FBLN1: variants seen among roughly 807,000 people sequenced by gnomAD.
FBLN1 encodes fibulin 1, also known as fibulin-1.
Under a neutral mutation model 89.7 loss-of-function variants are expected in FBLN1, and 34 were observed. The ratio of observed to expected loss-of-function variants is 0.38; its 90% confidence interval spans 0.29 to 0.50. The LOEUF (loss-of-function observed/expected upper bound fraction) is 0.50. Among genes scored for constraint, FBLN1 ranks in the 20% least tolerant of loss-of-function variants. The pLI, the probability that FBLN1 is intolerant of heterozygous loss-of-function variation, is 0.92. For missense variants in FBLN1, 777 were observed against 988.1 expected, an observed-to-expected ratio of 0.79 and a Z score of 2.86; for synonymous variants, 393 against 391.3, an observed-to-expected ratio of 1.00 and a Z score of -0.05.
chr22:45,564,890 A>G, intron 14 of FBLN1: 1 of 1,613,964 alleles, frequency 6.2e-7, no homozygotes, highest in Non-Finnish European at 8.5e-7. Flanking sequence ...CCAGGCAGAA[A>G]TCCAAGAAGG....
At chr22:45,599,181 C>T (rs753198734) in intron 16 of FBLN1, among the ~76,000 whole-genome samples, 3 of 152,220 alleles carry the variant, frequency 2.0e-5, no homozygotes, top group East Asian at 1.9e-4. Context: ...CCTCTGGCCA[C>T]GGTCTTTGCC....
chr22:45,571,749 A>G (rs2088954946), intron 14 of FBLN1, among the ~76,000 whole-genome samples: 1 of 152,194 alleles, frequency 6.6e-6, no homozygotes, highest in African/African-American at 2.4e-5. Context: ...TTAAATGTTC[A>G]CTGAAGAGGC....
intron 2 of FBLN1, among the ~76,000 whole-genome samples, chr22:45,520,222 G>C (rs568398434): frequency 6.6e-6 from 1 of 152,306 alleles, no homozygotes; most frequent in African/African-American, 2.4e-5. Context: ...GCACCACAAA[G>C]CCAGACTGTG....
At chr22:45,515,735 T>G (rs1489811132) in intron 1 of FBLN1, among the ~76,000 whole-genome samples, 1 of 152,226 alleles carries the variant, frequency 6.6e-6, no homozygotes, top group African/African-American at 2.4e-5. Flanking sequence ...ACTTTCTGTG[T>G]GCTTGGAACT....
At chr22:45,599,519 ATTTCT>A (rs1470068950) in intron 16 of FBLN1, among the ~76,000 whole-genome samples, 1 of 151,966 alleles carries the variant, frequency 6.6e-6, no homozygotes, top group African/African-American at 2.4e-5. Context: ...CGCCTGCTTC[ATTTCT>A]TCTCAGGGGT....
intron 1 of FBLN1, among the ~76,000 whole-genome samples, chr22:45,511,603 T>C (rs556494769): frequency 3.3e-5 from 5 of 152,208 alleles, no homozygotes; most frequent in Non-Finnish European, 5.9e-5. Flanking sequence ...CCCGCCACCA[T>C]GCCCAGCTAA....
At position 45,549,865 on chromosome 22, in the gene FBLN1, G is replaced by C. The variant is rs764077940; in HGVS notation, c.1574-627G>C. The stretch of plus-strand genomic sequence containing the variant: ...AGGAGTCCCAGACCTGGTGGTTCCA[G>C]TCCACCCTGAACAGCCACCAACCCC... On this transcript the variant is annotated intron_variant, in intron 13 of 16. Coordinates refer to ENST00000327858, the MANE Select transcript of FBLN1 (RefSeq NM_006486.3). This position sits in a 1 kb window ranked among gnomAD's most constrained non-coding sequence, Gnocchi z 5.7. Among the ~76,000 whole-genome samples the C allele has an allele frequency of 3.3e-5, 5 of 152,166 alleles. No homozygotes were observed. The highest frequency in any genetic ancestry group is 5.9e-5 in the Non-Finnish European group (4 of 68,026).
At position 45,579,291 on chromosome 22, in the gene FBLN1, G is replaced by A. The variant is rs550514130; in HGVS notation, c.1972+2183G>A. 1.3e-5 allele frequency among the ~76,000 whole-genome samples: 2 copies of A among 152,396 alleles called. No individual in the cohort carries two copies. Among genetic ancestry groups the A allele is most frequent in the Non-Finnish European group, 2.9e-5 (2 of 68,038 alleles). On this transcript the variant is annotated intron_variant, in intron 16 of 16. Coordinates refer to ENST00000327858, the MANE Select transcript of FBLN1 (RefSeq NM_006486.3). The surrounding 1 kb of genome is among the most constrained non-coding windows in gnomAD (Gnocchi z 5.5). The stretch of plus-strand genomic sequence containing the variant: ...ATCCCTTCCTTCTTCCGTAGGAGGG[G>A]AAACTGAGGCCCGGAAGGGCGAGGG...
intron 8 of FBLN1, 58 bp downstream of exon 8, chr22:45,535,395 C>G (rs2088471475): frequency 1.9e-6 from 3 of 1,603,770 alleles, no homozygotes; most frequent in Non-Finnish European, 1.7e-6. Flanking sequence ...GCGACCTAGC[C>G]TTGGGGCAGG....
chr22:45,562,648 C>T lies in FBLN1; in HGVS notation c.1698-11863C>T, dbSNP rs2088861318. On this transcript the variant is annotated intron_variant, in intron 14 of 16. Coordinates refer to ENST00000327858, the MANE Select transcript of FBLN1 (RefSeq NM_006486.3). The surrounding 1 kb of genome is among the most constrained non-coding windows in gnomAD (Gnocchi z 7.8). ...GGGCTCTGCCAGTGAGCAGGGGACG[C>T]ACCTCACTCCGGGCACAGCCTTTGG... is the stretch of plus-strand genomic sequence containing the variant. 6.6e-6 allele frequency among the ~76,000 whole-genome samples: 1 copy of T among 152,214 alleles called. No homozygotes were observed. Among genetic ancestry groups the T allele is most frequent in the East Asian group, 1.9e-4 (1 of 5,186 alleles).
chr22:45,598,117 A>G (rs1013363166), intron 16 of FBLN1, among the ~76,000 whole-genome samples: 7 of 152,216 alleles, frequency 4.6e-5, no homozygotes, highest in East Asian at 1.9e-4. Context: ...GTTTGTGGCA[A>G]ACAGTCAGTA....
intron 8 of FBLN1, among the ~76,000 whole-genome samples, chr22:45,540,947 A>G (rs1264106125): frequency 6.6e-6 from 1 of 152,256 alleles, no homozygotes; most frequent in Non-Finnish European, 1.5e-5. Flanking sequence ...ATGCAGGAGA[A>G]GCCAGGCAGG....
At chr22:45,596,602 TTAC>T (rs1336346320) in intron 16 of FBLN1, among the ~76,000 whole-genome samples, 2 of 149,064 alleles carry the variant, frequency 1.3e-5, no homozygotes, top group Non-Finnish European at 3.0e-5. Flanking sequence ...AAGAATATGA[TTAC>T]TATATACATA....
At chr22:45,543,901 A>G (rs2088592051) in intron 11 of FBLN1, among the ~76,000 whole-genome samples, 1 of 152,174 alleles carries the variant, frequency 6.6e-6, no homozygotes, top group South Asian at 2.1e-4. Context: ...CAGCAGCGAA[A>G]ACTGGACACT....
In FBLN1 at chr22:45,590,784, T is replaced by TG. The variant is rs1357512246; in HGVS notation, c.1973-9518dup. On this transcript the variant is annotated intron_variant, in intron 16 of 16. Transcript: ENST00000327858. This position sits in a 1 kb window ranked among gnomAD's most constrained non-coding sequence, Gnocchi z 4.1. ...CGAGGGCGACTCCAAGTTCCTGGCT[T>TG]GGGGGTACCTGCCTGGAGAGTGAGG... Among the ~76,000 whole-genome samples, 1 of 151,884 alleles carries TG rather than the reference T, an allele frequency of 6.6e-6. No homozygotes were observed. The highest frequency in any genetic ancestry group is 2.4e-5 in the African/African-American group (1 of 41,348).
intron 14 of FBLN1, among the ~76,000 whole-genome samples, chr22:45,573,523 CA>C (rs1225386911): frequency 5.3e-5 from 8 of 149,896 alleles, no homozygotes; most frequent in African/African-American, 1.2e-4. Flanking sequence ...AAAAAAAATA[CA>C]AAAAAAATTA....
chr22:45,560,047 G>T (rs987020448), intron 14 of FBLN1, among the ~76,000 whole-genome samples: 6 of 152,194 alleles, frequency 3.9e-5, no homozygotes, highest in African/African-American at 1.4e-4. Context: ...TAGGAATGCA[G>T]TAGGCTTCCT....
At position 45,572,485 on chromosome 22, in the gene FBLN1, C is replaced by T. The variant is rs2088960050; in HGVS notation, c.1698-2026C>T. ...GATAGCACACTAGTTAGCTTATTAT[C>T]CTGAAAATTAGAAAATTCAAGGAAA... is the stretch of plus-strand genomic sequence containing the variant. On this transcript the variant is annotated intron_variant, in intron 14 of 16. Coordinates refer to ENST00000327858, the MANE Select transcript of FBLN1 (RefSeq NM_006486.3). This position sits in a 1 kb window ranked among gnomAD's most constrained non-coding sequence, Gnocchi z 5.8. Among the ~76,000 whole-genome samples, 1 of 152,168 alleles carries T rather than the reference C, an allele frequency of 6.6e-6. No individual in the cohort carries two copies. Among genetic ancestry groups the T allele is most frequent in the East Asian group, 1.9e-4 (1 of 5,206 alleles).
Position 45,579,592 on chromosome 22 carries a change from C to T in FBLN1, c.1972+2484C>T, listed in dbSNP as rs1411195006. The stretch of plus-strand genomic sequence containing the variant: ...CTGTGTGCTGGGGAGGCCCCTGCCT[C>T]TTCCACGCCTCGGTCTGTGTGCAGG... On this transcript the variant is annotated intron_variant, in intron 16 of 16. Transcript: ENST00000327858. The surrounding 1 kb of genome is among the most constrained non-coding windows in gnomAD (Gnocchi z 5.5). 6.6e-6 allele frequency among the ~76,000 whole-genome samples: 1 copy of T among 152,208 alleles called. No individual in the cohort carries two copies. The highest frequency in any genetic ancestry group is 2.4e-5 in the African/African-American group (1 of 41,452).
Sources: allele counts gnomAD v4.1 joint callset (sites outside exome capture counted in the v4.1 genomes callset), GRCh38; gene constraint gnomAD v4.1.1; non-coding constraint Gnocchi (gnomAD v3.1); transcripts MANE v1.5; gene names NCBI Gene and HGNC (gene_info 2026-07-23, HGNC 2026-07-21).